Variants in DYNC2I2 observed in about 807,000 individuals in gnomAD.
DYNC2I2 encodes dynein 2 intermediate chain 2, also known as cytoplasmic dynein 2 intermediate chain 2.
A neutral mutation model predicts 52.0 loss-of-function variants in DYNC2I2; 39 were observed. The observed-to-expected ratio is 0.75, with a 90% CI of 0.58 to 0.98. The LOEUF (loss-of-function observed/expected upper bound fraction) is 0.98. Among genes scored for constraint, DYNC2I2 ranks in the 50% least tolerant of loss-of-function variants. The probability of loss-of-function intolerance (pLI) is 0.00; values close to 1 mark genes in which losing one functional copy is unlikely to be tolerated. For missense variants in DYNC2I2, 743 were observed against 728.4 expected (o/e 1.02, Z -0.23); for synonymous variants, 359 against 321.1 (o/e 1.12, Z -1.26).
the DYNC2I2 span, among the ~76,000 whole-genome samples, chr9:128,681,429 A>G: frequency 2.0e-5 from 3 of 152,192 alleles, no homozygotes; most frequent in African/African-American, 7.2e-5. Context: ...CTTTCCTTGA[A>G]TATCTCACAA....
intron 3 of DYNC2I2, 24 bp from the exon 4 acceptor site, chr9:128,636,462 G>A (rs374150776): frequency 1.2e-5 from 19 of 1,582,598 alleles, no homozygotes; most frequent in African/African-American, 6.7e-5. Flanking sequence ...GGCTTGAGCC[G>A]GCTGTGCCCC....
intron 2 of DYNC2I2, among the ~76,000 whole-genome samples, chr9:128,637,467 G>C (rs1589430395): frequency 6.6e-6 from 1 of 152,200 alleles, no homozygotes; most frequent in South Asian, 2.1e-4. Flanking sequence ...TTTTGAGACA[G>C]AGTCTCACTC....
Position 128,656,689 on chromosome 9 carries a change from G to A in DYNC2I2, c.38C>T (p.Ala13Val). 3 of 1,488,074 alleles carry A rather than the reference G, an allele frequency of 2.0e-6. No homozygotes were observed. Among genetic ancestry groups the A allele is most frequent in the Non-Finnish European group, 2.7e-6 (3 of 1,130,336 alleles). 92.2% of individuals were successfully genotyped at this position (1,488,074 alleles called of 1,614,324 possible). ...TRAQPGPLSQ[A>V]GSAGVAALAT... ...CAGCGCCGCAACACCAGCGCTTCCCGCCTGGCTGAGTGGCCCCGGCTGCGC... is the reference window on the plus strand; with the variant it reads ...CAGCGCCGCAACACCAGCGCTTCCCACCTGGCTGAGTGGCCCCGGCTGCGC... The change falls in exon 1 of 9, where the codon GCG becomes GTG. Residue 13 changes from alanine to valine, a missense_variant. Physicochemically the swap from Ala to Val is moderately conservative, Grantham distance 64. Transcript: ENST00000372715.
At chr9:128,680,673 A>G in the DYNC2I2 span, among the ~76,000 whole-genome samples, 1 of 147,494 alleles carries the variant, frequency 6.8e-6, no homozygotes, top group East Asian at 2.0e-4. Flanking sequence ...CACCGTGCCC[A>G]GCCTATTATT....
chr9:128,666,929 G>C, the DYNC2I2 span, among the ~76,000 whole-genome samples: 1 of 151,904 alleles, frequency 6.6e-6, no homozygotes, highest in African/African-American at 2.4e-5. Context: ...GGCCAGGCGC[G>C]GTGGCTCACT....
chr9:128,644,788 C>T (rs370627954), intron 1 of DYNC2I2, among the ~76,000 whole-genome samples: 8 of 152,224 alleles, frequency 5.3e-5, no homozygotes, highest in African/African-American at 1.4e-4. Flanking sequence ...CTACAGCATG[C>T]GCTTAGTTGA....
chr9:128,640,784 T>C lies in DYNC2I2; in HGVS notation c.342A>G (p.Arg114=). ...GCTCTCGGATGACCATGGCCTCCAC[T>C]CTCCGAAGAAAGGCTGCGAGCCTGG... ...DIPRLAAFLR[R]VEAMVIRELN... is the part of the protein sequence containing the mutation. Residue 114 remains arginine, a synonymous_variant, in exon 2 of 9, where the codon AGA becomes AGG. Transcript: ENST00000372715. The C allele has an allele frequency of 6.2e-7, 1 of 1,614,134 alleles. No homozygotes were observed. Among genetic ancestry groups the C allele is most frequent in the Non-Finnish European group, 8.5e-7 (1 of 1,180,030 alleles).
chr9:128,635,536 C>G (rs1490629986), intron 5 of DYNC2I2, 122 bp downstream of exon 5: 2 of 942,978 alleles, frequency 2.1e-6, no homozygotes, highest in African/African-American at 3.3e-5. Flanking sequence ...GCTGCGGGAG[C>G]TCCGAGAATG....
Position 128,633,890 on chromosome 9 carries a change from C to CCAGA in DYNC2I2, c.1461_1464dup (p.Glu489SerfsTer38). ...AGCTGAGTCTGCTGGCTGTTGAACT[C>CCAGA]CAGACAGTAGACAGGGCTTTCATCC... On this transcript the variant is annotated frameshift_variant, in exon 9 of 9. Transcript: ENST00000372715. LOFTEE classifies it high-confidence loss of function. The CCAGA allele has an allele frequency of 4.3e-6, 7 of 1,613,430 alleles. No individual in the cohort carries two copies. The highest frequency in any genetic ancestry group is 5.9e-6 in the Non-Finnish European group (7 of 1,180,050).
the DYNC2I2 span, among the ~76,000 whole-genome samples, chr9:128,677,596 A>C: frequency 6.6e-6 from 1 of 151,932 alleles, no homozygotes; most frequent in Non-Finnish European, 1.5e-5. Context: ...TCAGGAGTTC[A>C]AAACCAGCCT....
the DYNC2I2 span, among the ~76,000 whole-genome samples, chr9:128,670,758 AAAAAAAAAAGAGAGAGAG>A: frequency 2.7e-5 from 4 of 150,764 alleles, no homozygotes; most frequent in East Asian, 7.8e-4. Context: ...AAAAGAAAAA[AAAAAAAAAAGAGAGAGAG>A]AAACGCGGTG....
the DYNC2I2 span, among the ~76,000 whole-genome samples, chr9:128,664,231 C>T: frequency 3.9e-5 from 6 of 152,132 alleles, no homozygotes; most frequent in Middle Eastern, 3.4e-3. Flanking sequence ...GGATTACAGG[C>T]GTGAGCCACC....
rs967499335 is a variant in DYNC2I2 at position 128,635,513 on chromosome 9, G to T, written c.813+145C>A. 8 of 835,484 alleles carry T rather than the reference G, an allele frequency of 9.6e-6. No homozygotes were observed. In the Admixed American group the frequency reaches 1.4e-4, roughly 15 times the overall value. The allele number at this position is 835,484 out of a possible 1,614,324, so 51.8% of individuals were successfully genotyped here. Reference sequence around the variant, plus strand: ...CAGGGCCCTGGGAGTGGCTCCTGAGGGGGGTGACTCATGCTGCGGGAGCTC... The same window carrying T: ...CAGGGCCCTGGGAGTGGCTCCTGAGTGGGGTGACTCATGCTGCGGGAGCTC... On this transcript the variant is annotated intron_variant, in intron 5 of 8. Transcript: ENST00000372715.
the DYNC2I2 span, among the ~76,000 whole-genome samples, chr9:128,670,752 GAAAAA>G: frequency 6.9e-6 from 1 of 144,944 alleles, no homozygotes. Context: ...AACAACAAAA[GAAAAA>G]AAAAAAAAAA....
the DYNC2I2 span, among the ~76,000 whole-genome samples, chr9:128,663,801 C>T: frequency 1.1e-4 from 16 of 151,330 alleles, no homozygotes; most frequent in African/African-American, 3.9e-4. Flanking sequence ...TACAGGTACA[C>T]GCCATCATGC....
the DYNC2I2 span, among the ~76,000 whole-genome samples, chr9:128,680,915 A>G: frequency 6.6e-6 from 1 of 151,860 alleles, no homozygotes; most frequent in African/African-American, 2.4e-5. Flanking sequence ...ACCTCAAGTG[A>G]TTTGCCCACC....
At chr9:128,650,541 A>ATATATATATATATATATATATATATATG (rs1403022749) in intron 1 of DYNC2I2, among the ~76,000 whole-genome samples, 2 of 50,388 alleles carry the variant, frequency 4.0e-5, no homozygotes, top group African/African-American at 8.4e-5. Flanking sequence ...ATATATATAT[A>ATATATATATATATATATATATATATATG]TATATATGCC....
chr9:128,677,742 A>G, the DYNC2I2 span, among the ~76,000 whole-genome samples: 1 of 151,972 alleles, frequency 6.6e-6, no homozygotes, highest in Admixed American at 6.6e-5. Context: ...AGGAGGCAGA[A>G]GGTTGCAGTG....
chr9:128,635,336 C>G (rs1860375285), intron 5 of DYNC2I2, 77 bp from the exon 6 acceptor site: 12 of 1,493,884 alleles, frequency 8.0e-6, no homozygotes, highest in Non-Finnish European at 1.1e-5. Flanking sequence ...CCTACCCTCC[C>G]TCTCTTCCAG....
Sources: allele counts gnomAD v4.1 joint callset (sites outside exome capture counted in the v4.1 genomes callset), GRCh38; gene constraint gnomAD v4.1.1; transcripts MANE v1.5; gene names NCBI Gene and HGNC (gene_info 2026-07-23, HGNC 2026-07-21).